The following HYDIN variants were observed in gnomAD, a reference collection of about 807,000 sequenced individuals.
HYDIN encodes the protein axonemal central pair apparatus protein HYDIN.
In HYDIN, 132 loss-of-function variants were observed where a neutral mutation model predicts 403.9. That is an observed-to-expected ratio of 0.33 (90% CI 0.28 to 0.38). The LOEUF (loss-of-function observed/expected upper bound fraction) is 0.38. HYDIN is among the 10% of genes least tolerant of loss of function. HYDIN has a pLI of 1.00. For synonymous variants in HYDIN, 1,202 were observed against 1,891.7 expected (o/e 0.64, Z 9.46); for missense variants, 2,827 against 5,009.5 (o/e 0.56, Z 13.15).
chr16:71,066,125 T>G (rs76952556), intron 15 of HYDIN, among the ~76,000 whole-genome samples: 1 of 151,966 alleles, frequency 6.6e-6, no homozygotes, highest in Non-Finnish European at 1.5e-5. Flanking sequence ...TTTTTTTTTT[T>G]AATTTAGAAT....
intron 71 of HYDIN, among the ~76,000 whole-genome samples, chr16:70,859,176 T>C (rs1017346727): frequency 9.9e-5 from 15 of 151,888 alleles, no homozygotes; most frequent in South Asian, 2.1e-4. Flanking sequence ...TGGCGGGCGC[T>C]TGTAGTCCGA....
intron 18 of HYDIN, among the ~76,000 whole-genome samples, chr16:71,050,759 A>T (rs1464045184): frequency 1.3e-5 from 2 of 152,012 alleles, no homozygotes; most frequent in Admixed American, 6.6e-5. Context: ...TTACCAATAC[A>T]TTTGCAAACT....
At chr16:70,895,640 T>G (rs1342497528) in intron 54 of HYDIN, among the ~76,000 whole-genome samples, 1 of 148,344 alleles carries the variant, frequency 6.7e-6, no homozygotes, top group African/African-American at 2.5e-5. Flanking sequence ...TAGGGCAATA[T>G]GTTTGTGTTG....
At chr16:70,812,556 A>T (rs1394685780) in intron 84 of HYDIN, among the ~76,000 whole-genome samples, 1 of 152,182 alleles carries the variant, frequency 6.6e-6, no homozygotes, top group Non-Finnish European at 1.5e-5. Flanking sequence ...ACAAAAATCA[A>T]TTATATTTCT....
chr16:71,067,863 AC>A, intron 14 of HYDIN, among the ~76,000 whole-genome samples: 1 of 152,192 alleles, frequency 6.6e-6, no homozygotes, highest in Middle Eastern at 3.4e-3. Flanking sequence ...AGTCTGCTTT[AC>A]CAAAATCTTG....
At chr16:71,111,113 GAAACGAAAGTTC>G (rs1399798884) in intron 10 of HYDIN, among the ~76,000 whole-genome samples, 1 of 100,830 alleles carries the variant, frequency 9.9e-6, no homozygotes, top group African/African-American at 3.9e-5. Flanking sequence ...TATTTTTTAA[GAAACGAAAGTTC>G]AAATGATTAT....
At chr16:70,887,329 G>T (rs59678376) in intron 58 of HYDIN, among the ~76,000 whole-genome samples, 1 of 152,138 alleles carries the variant, frequency 6.6e-6, no homozygotes, top group East Asian at 1.9e-4. Flanking sequence ...AGGGTCCTTA[G>T]AAATGGAAGA....
intron 73 of HYDIN, 42 bp downstream of exon 73, chr16:70,855,086 T>C: frequency 1.2e-6 from 1 of 830,918 alleles, no homozygotes; most frequent in Non-Finnish European, 2.0e-6. Context: ...CCTGGGCATG[T>C]CAGGAGGATG....
chr16:71,086,632 C>T (rs2082937477), intron 12 of HYDIN, among the ~76,000 whole-genome samples: 2 of 152,160 alleles, frequency 1.3e-5, no homozygotes, highest in Non-Finnish European at 2.9e-5. Context: ...AAGGTTTTAT[C>T]TTTGCTGCTT....
intron 84 of HYDIN, among the ~76,000 whole-genome samples, chr16:70,810,519 T>C: frequency 6.6e-6 from 1 of 152,242 alleles, no homozygotes; most frequent in South Asian, 2.1e-4. Flanking sequence ...TGGAATATTG[T>C]GTAGCCACTA....
chr16:71,125,197 T>G (rs1271524563), intron 9 of HYDIN, among the ~76,000 whole-genome samples: 1 of 152,224 alleles, frequency 6.6e-6, no homozygotes, highest in Non-Finnish European at 1.5e-5. Context: ...CTTTTCGCTC[T>G]GCTCTTAAGA....
intron 1 of HYDIN, among the ~76,000 whole-genome samples, chr16:71,207,086 G>C (rs1335949389): frequency 6.6e-6 from 1 of 152,062 alleles, no homozygotes; most frequent in East Asian, 1.9e-4. Context: ...ACCTCCAAAA[G>C]ACACTTCACA....
chr16:70,961,098 A>G (rs533055162), intron 38 of HYDIN, among the ~76,000 whole-genome samples: 61 of 151,784 alleles, frequency 4.0e-4, no homozygotes, highest in African/African-American at 1.3e-3. Context: ...ATGTTTTTTC[A>G]TCCTAAGCAT....
In HYDIN at chr16:71,175,746, A is replaced by C; in HGVS notation, c.382-5T>G. 2 of 1,614,080 alleles carry C rather than the reference A, an allele frequency of 1.2e-6. No individual in the cohort carries two copies. Among genetic ancestry groups the C allele is most frequent in the Non-Finnish European group, 1.7e-6 (2 of 1,179,930 alleles). ...AACTTTCACCAACCTTGGAATCTGCAGGGAAACACATGATGATGAACATCG... is the reference window on the plus strand; with the variant it reads ...AACTTTCACCAACCTTGGAATCTGCCGGGAAACACATGATGATGAACATCG... On this transcript the variant is annotated splice_region_variant and splice_polypyrimidine_tract_variant and intron_variant, in intron 4 of 85. Transcript: ENST00000393567.
At chr16:71,068,143 G>A (rs1319342829) in intron 14 of HYDIN, among the ~76,000 whole-genome samples, 1 of 148,728 alleles carries the variant, frequency 6.7e-6, no homozygotes, top group Non-Finnish European at 1.5e-5. Flanking sequence ...ATTTCCTGCT[G>A]TGAAGCTGTA....
intron 75 of HYDIN, among the ~76,000 whole-genome samples, chr16:70,845,769 G>T (rs2038158900): frequency 7.3e-6 from 1 of 136,618 alleles, no homozygotes; most frequent in African/African-American, 3.5e-5. Flanking sequence ...TTTAGTCTTG[G>T]GAGAGTGTAT....
At chr16:70,970,490 G>C in intron 36 of HYDIN, 30 bp downstream of exon 36, 2 of 1,605,148 alleles carry the variant, frequency 1.2e-6, no homozygotes, top group Non-Finnish European at 1.7e-6. Flanking sequence ...GGAACGTGTA[G>C]AAAAACAGTT....
At chr16:70,955,087 A>G (rs1238806366) in intron 40 of HYDIN, among the ~76,000 whole-genome samples, 3 of 152,194 alleles carry the variant, frequency 2.0e-5, no homozygotes, top group Non-Finnish European at 4.4e-5. Context: ...GAGTGACCGC[A>G]TGTCTGCTTC....
intron 38 of HYDIN, among the ~76,000 whole-genome samples, chr16:70,961,208 C>T (rs1295536648): frequency 2.0e-5 from 3 of 152,066 alleles, no homozygotes; most frequent in Non-Finnish European, 2.9e-5. Flanking sequence ...GAGGGCTGCT[C>T]GGAGAGACCA....
Sources: allele counts gnomAD v4.1 joint callset (sites outside exome capture counted in the v4.1 genomes callset), GRCh38; gene constraint gnomAD v4.1.1; transcripts MANE v1.5; gene names NCBI Gene and HGNC (gene_info 2026-07-23, HGNC 2026-07-21).